The following ADGRB2 variants were observed in gnomAD, a reference collection of about 807,000 sequenced individuals.
The protein encoded by ADGRB2 is adhesion G protein-coupled receptor B2, also known as brain-specific angiogenesis inhibitor 2.
In ADGRB2, 47 loss-of-function variants were observed where a neutral mutation model predicts 178.7. The ratio of observed to expected loss-of-function variants is 0.26; its 90% CI spans 0.21 to 0.34. The LOEUF (loss-of-function observed/expected upper bound fraction) is 0.34, where lower values mean the gene tolerates loss of function less well. Among genes scored for constraint, ADGRB2 ranks in the 10% least tolerant of loss-of-function variants. ADGRB2 has a pLI of 1.00. For synonymous variants in ADGRB2, 870 were observed against 912.4 expected (o/e 0.95, Z 0.84); for missense variants, 1,584 against 2,180.8 (o/e 0.73, Z 5.45).
rs866284155 is a variant in ADGRB2, at chr1:31,739,381, G to A, written c.2422C>T (p.Pro808Ser). 2 of 1,532,468 alleles carry A rather than the reference G, an allele frequency of 1.3e-6. No individual in the cohort carries two copies. The highest frequency in any genetic ancestry group is 1.3e-5 in the South Asian group (1 of 79,716). The allele number at this position is 1,532,468 out of a possible 1,614,324, so 94.9% of individuals were successfully genotyped here. A position where few individuals can be genotyped will look rare whatever the true frequency, so the allele number is the denominator to read the frequency against. The change falls in exon 15 of 33, where the codon CCT becomes TCT. Residue 808 changes from proline (P) to serine (S), a missense_variant. Transcript: ENST00000373658. ...ATCACAAAGTAGGAGGACTCATCAG[G>A]GTCTGCTGGGAGGAGGCGCTGGTGG... ...HSHQRLLPADPDESSYFVIGA... is the reference protein window; with the variant it reads ...HSHQRLLPADSDESSYFVIGA...
intron 27 of ADGRB2, 112 bp from the exon 28 acceptor site, chr1:31,732,266 T>TGCCCATG: frequency 6.9e-7 from 1 of 1,456,600 alleles, no homozygotes; most frequent in Non-Finnish European, 9.5e-7. Flanking sequence ...GCCTTAGGGC[T>TGCCCATG]GCCCATGGCC....
Position 31,735,273 on chromosome 1 carries a change from C to T in ADGRB2, c.3362G>A (p.Arg1121Gln), listed in dbSNP as rs573743533. The T allele has an allele frequency of 1.2e-4, 176 of 1,475,432 alleles. No homozygotes were observed. Among genetic ancestry groups the T allele is most frequent in the Non-Finnish European group, 1.5e-4 (169 of 1,105,190 alleles). The allele number at this position is 1,475,432 out of a possible 1,614,324, so 91.4% of individuals were successfully genotyped here. A position where few individuals can be genotyped will look rare whatever the true frequency, so the allele number is the denominator to read the frequency against. The change falls in exon 25 of 33, where the codon CGG (arginine) becomes CAG (glutamine). Residue 1121 changes from arginine (R) to glutamine (Q), a missense_variant. Arg to Gln is a conservative substitution (Grantham distance 43). Around this residue, in one of 3 missense-constraint regions of ADGRB2, gnomAD observed 865 missense variants for 1,192.8 expected, o/e 0.73. Transcript: ENST00000373658. The surrounding 1 kb of genome is among the most constrained non-coding windows in gnomAD (Gnocchi z 6.0). The part of the protein sequence containing the change: ...KSKKQRAGSE[R>Q]CPWASLLLPC... ...GAGGAGCAGGCTGGCCCAGGGGCAC[C>T]GCTCCGACCTCGGGGGCGGCACAGA...
In ADGRB2 at chr1:31,739,947, G is replaced by T; in HGVS notation, c.2146C>A (p.Leu716Met). The change falls in exon 14 of 33, where the codon CTG (leucine) becomes ATG (methionine). Residue 716 changes from leucine (L) to methionine (M), a missense_variant. Around this residue, in one of 3 missense-constraint regions of ADGRB2, gnomAD observed 865 missense variants for 1,192.8 expected, o/e 0.73. Coordinates refer to ENST00000373658, the MANE Select transcript of ADGRB2 (RefSeq NM_001364857.2). ...GDALKAFQSS[L>M]IVTDNLVISI... ...CTACCTAGATTATCTGTGACAATCA[G>T]AGAGCTCTGGAAGGCCTTGAGAGCA... 6.2e-7 allele frequency: 1 copy of T among 1,614,110 alleles called. No individual in the cohort carries two copies. Among genetic ancestry groups the T allele is most frequent in the South Asian group, 1.1e-5 (1 of 91,070 alleles).
At position 31,756,426 on chromosome 1, in the gene ADGRB2, C is replaced by G. The variant is rs148277401; in HGVS notation, c.411G>C (p.Ala137=). 1 of 1,612,168 alleles carries G rather than the reference C, an allele frequency of 6.2e-7. No individual in the cohort carries two copies. Among genetic ancestry groups the G allele is most frequent in the Non-Finnish European group, 8.5e-7 (1 of 1,179,500 alleles). ...CTGAGCCGCTGCACAGCTCCAACCCCGCTGCCGCCTCTGCCTCCTCCTCTT... is the reference window on the plus strand; with the variant it reads ...CTGAGCCGCTGCACAGCTCCAACCCGGCTGCCGCCTCTGCCTCCTCCTCTT... ...RPEEEEAEAA[A]GLELCSGSGP... is the part of the protein sequence containing the mutation. Residue 137 remains alanine (A), a synonymous_variant, in exon 4 of 33, where the codon GCG becomes GCC. Coordinates refer to ENST00000373658, the MANE Select transcript of ADGRB2 (RefSeq NM_001364857.2). The surrounding 1 kb of genome is among the most constrained non-coding windows in gnomAD (Gnocchi z 8.5).
At position 31,735,062 on chromosome 1, in the gene ADGRB2, A is replaced by G. The variant is rs1249490156; in HGVS notation, c.3452+121T>C. 2 of 1,012,846 alleles carry G rather than the reference A, an allele frequency of 2.0e-6. No individual in the cohort carries two copies. Among genetic ancestry groups the G allele is most frequent in the Non-Finnish European group, 2.7e-6 (2 of 746,458 alleles). 62.7% of individuals were successfully genotyped at this position (1,012,846 alleles called of 1,614,324 possible). ...TTGAGAGTGTGTGGTGGCTGGCAGG[A>G]AAGGGCAAGCTTTCCAGGGCACTGG... is the stretch of plus-strand genomic sequence containing the variant. On this transcript the variant is annotated intron_variant, in intron 25 of 32. Coordinates refer to ENST00000373658, the MANE Select transcript of ADGRB2 (RefSeq NM_001364857.2). The surrounding 1 kb of genome is among the most constrained non-coding windows in gnomAD (Gnocchi z 6.0).
At position 31,741,828 on chromosome 1, in the gene ADGRB2, C is replaced by A; in HGVS notation, c.1557G>T (p.Val519=). The A allele has an allele frequency of 6.3e-7, 1 of 1,599,168 alleles. No individual in the cohort carries two copies. Among genetic ancestry groups the A allele is most frequent in the Non-Finnish European group, 8.5e-7 (1 of 1,170,366 alleles). Residue 519 remains valine (V), a synonymous_variant, in exon 9 of 33, where the codon GTG becomes GTT. Coordinates refer to ENST00000373658, the MANE Select transcript of ADGRB2 (RefSeq NM_001364857.2). This position sits in a 1 kb window ranked among gnomAD's most constrained non-coding sequence, Gnocchi z 6.5. The part of the protein sequence containing the change: ...GYPCEGTGEE[V]KPCSEKRCPA... ...GACACCTCTTCTCACTACAAGGCTT[C>A]ACCTCCTCTCCGGTGCCCTCGCAGG...
At chr1:31,760,508 G>C (rs1400800439) in intron 1 of ADGRB2, among the ~76,000 whole-genome samples, 1 of 152,164 alleles carries the variant, frequency 6.6e-6, no homozygotes, top group Non-Finnish European at 1.5e-5. Context: ...TGGGGTAAGG[G>C]GCAGAGCAGC....
chr1:31,748,377 C>T (rs1189845184), intron 4 of ADGRB2, among the ~76,000 whole-genome samples: 1 of 152,254 alleles, frequency 6.6e-6, no homozygotes, highest in Non-Finnish European at 1.5e-5. Flanking sequence ...ACCCATCCCA[C>T]TCAGAGGAGA....
chr1:31,731,032 CG>C lies in ADGRB2; in HGVS notation c.4147del (p.Arg1383GlyfsTer39). ...GTGGGCCACTGTCTTGGCAGCTCGC[CG>C]GGGGGTCCCCTCCGGCCGGGCCCTG... Reference protein sequence around the residue: ...APRARPEGTPRRAAKTVAHTE... With the variant: ...APRARPEGTPXRAAKTVAHTE... On this transcript the variant is annotated frameshift_variant, in exon 29 of 33. Transcript: ENST00000373658. LOFTEE classifies it high-confidence loss of function. The C allele has an allele frequency of 6.3e-6, 10 of 1,585,806 alleles. No individual in the cohort carries two copies. Among genetic ancestry groups the C allele is most frequent in the Middle Eastern group, 1.7e-4 (1 of 5,932 alleles).
Position 31,732,567 on chromosome 1 carries a change from C to T in ADGRB2, c.3670G>A (p.Glu1224Lys). 6.2e-7 allele frequency: 1 copy of T among 1,614,184 alleles called. No individual in the cohort carries two copies. The highest frequency in any genetic ancestry group is 8.5e-7 in the Non-Finnish European group (1 of 1,180,034). ...KCQMGVCRADESEDSPDSCKN... is the reference protein window; with the variant it reads ...KCQMGVCRADKSEDSPDSCKN... ...CACGAGTCAGGGGAGTCTTCGCTCT[C>T]ATCAGCCCGGCACACCCCCATCTGG... Residue 1224 changes from glutamate (E) to lysine (K), a missense_variant, in exon 27 of 33, where the codon GAG (glutamate) becomes AAG (lysine). Glu to Lys is a moderately conservative substitution (Grantham distance 56). Coordinates refer to ENST00000373658, the MANE Select transcript of ADGRB2 (RefSeq NM_001364857.2).
Position 31,750,614 on chromosome 1 carries a change from G to A in ADGRB2, c.838+5385C>T, listed in dbSNP as rs189042506. On this transcript the variant is annotated intron_variant, in intron 4 of 32. Coordinates refer to ENST00000373658, the MANE Select transcript of ADGRB2 (RefSeq NM_001364857.2). ...GAGCGCTGTGATTTACAAAGCAATC[G>A]TCCCTTCCCTGGGCTCCCTGCTTCC... Among the ~76,000 whole-genome samples, 30 of 152,148 alleles carry A rather than the reference G, an allele frequency of 2.0e-4. No homozygotes were observed. In the East Asian group the frequency reaches 3.3e-3, roughly 17 times the overall value.
rs753379758 is a variant in ADGRB2, at chr1:31,732,129, A to T, written c.3746T>A (p.Leu1249Gln). ...ILSDFEKDVD[L>Q]ACQTVLFKEV... ...GGCACACTCACCTGTTTGACAAGCCAGATCCACATCCTTTTCAAAGTCTGA... is the reference window on the plus strand; with the variant it reads ...GGCACACTCACCTGTTTGACAAGCCTGATCCACATCCTTTTCAAAGTCTGA... Residue 1249 changes from leucine (L) to glutamine (Q), a missense_variant, in exon 28 of 33, where the codon CTG (leucine) becomes CAG (glutamine). This residue lies in a region of ADGRB2 where 865 missense variants were observed against 1,192.8 expected (regional missense o/e 0.73). Transcript: ENST00000373658. The T allele has an allele frequency of 3.1e-6, 5 of 1,614,100 alleles. No homozygotes were observed. The highest frequency in any genetic ancestry group is 4.2e-6 in the Non-Finnish European group (5 of 1,179,978).
chr1:31,735,568 C>CG lies in ADGRB2; in HGVS notation c.3353+11_3353+12insC. 6.2e-7 allele frequency: 1 copy of CG among 1,606,554 alleles called. No homozygotes were observed. The highest frequency in any genetic ancestry group is 8.5e-7 in the Non-Finnish European group (1 of 1,173,902). ...TTCCAGAAAGGCCAAGTCTCAGAGG[C>CG]CCCCCCCTTACCCGGCCCTCTGCTT... is the stretch of plus-strand genomic sequence containing the variant. On this transcript the variant is annotated intron_variant, in intron 24 of 32. Transcript: ENST00000373658. The surrounding 1 kb of genome is among the most constrained non-coding windows in gnomAD (Gnocchi z 6.0).
intron 1 of ADGRB2, among the ~76,000 whole-genome samples, chr1:31,757,835 A>C (rs1030530310): frequency 7.9e-5 from 12 of 152,166 alleles, no homozygotes; most frequent in Admixed American, 2.6e-4. Context: ...TGGGGACCCA[A>C]GCTTGTTGCT....
At position 31,762,137 on chromosome 1, in the gene ADGRB2, C is replaced by A. The variant is rs558195345; in HGVS notation, c.-191+1747G>T. 2.6e-5 allele frequency among the ~76,000 whole-genome samples: 4 copies of A among 152,226 alleles called. No individual in the cohort carries two copies. The South Asian group carries it at 8.3e-4, about 32-fold the overall frequency. ...TTGTGTTACAGAAATGCAGACCACG[C>A]ACGCACACCCCAGACTAGACATGTC... On this transcript the variant is annotated intron_variant, in intron 1 of 32. Transcript: ENST00000373658.
At position 31,741,348 on chromosome 1, in the gene ADGRB2, C is replaced by A. The variant is rs950430380; in HGVS notation, c.1794+25G>T. ...AGAGTCTGAGACAGATTCTGCTGTG[C>A]CCCAGCCCAGCAGGGTGCACTCACT... On this transcript the variant is annotated intron_variant, in intron 11 of 32. Coordinates refer to ENST00000373658, the MANE Select transcript of ADGRB2 (RefSeq NM_001364857.2). This position sits in a 1 kb window ranked among gnomAD's most constrained non-coding sequence, Gnocchi z 6.5. 1.9e-6 allele frequency: 3 copies of A among 1,574,478 alleles called. No individual in the cohort carries two copies. The African/African-American group carries it at 4.0e-5, about 21-fold the overall frequency.
Position 31,735,285 on chromosome 1 carries a change from G to C in ADGRB2, c.3354-4C>G, listed in dbSNP as rs779715885. ...GGCCCAGGGGCACCGCTCCGACCTC[G>C]GGGGCGGCACAGACATGGGAGAAGG... On this transcript the variant is annotated splice_region_variant and splice_polypyrimidine_tract_variant and intron_variant, in intron 24 of 32. Coordinates refer to ENST00000373658, the MANE Select transcript of ADGRB2 (RefSeq NM_001364857.2). This position sits in a 1 kb window ranked among gnomAD's most constrained non-coding sequence, Gnocchi z 6.0. 9 of 1,477,026 alleles carry C rather than the reference G, an allele frequency of 6.1e-6. No individual in the cohort carries two copies. The highest frequency in any genetic ancestry group is 8.1e-6 in the Non-Finnish European group (9 of 1,106,114). 91.5% of individuals were successfully genotyped at this position (1,477,026 alleles called of 1,614,324 possible).
chr1:31,739,545 C>T lies in ADGRB2; in HGVS notation c.2258G>A (p.Arg753Gln). Reference protein sequence around the residue: ...RGRRGMKDWVRHSEDRLFLPK... With the variant: ...RGRRGMKDWVQHSEDRLFLPK... ...CAGGAAGAGGCGGTCCTCTGAGTGC[C>T]GCACCCAGTCCTTCATGCCCCGGCG... is the stretch of plus-strand genomic sequence containing the variant. The change falls in exon 15 of 33, where the codon CGG becomes CAG. Residue 753 changes from arginine to glutamine, a missense_variant. Physicochemically the swap from Arg to Gln is conservative, Grantham distance 43. Coordinates refer to ENST00000373658, the MANE Select transcript of ADGRB2 (RefSeq NM_001364857.2). 3 of 1,613,012 alleles carry T rather than the reference C, an allele frequency of 1.9e-6. No homozygotes were observed. Among genetic ancestry groups the T allele is most frequent in the Middle Eastern group, 1.7e-4 (1 of 6,060 alleles).
At position 31,744,615 on chromosome 1, in the gene ADGRB2, C is replaced by T. The variant is rs201510969; in HGVS notation, c.922+33G>A. Reference sequence around the variant, plus strand: ...CACCAGACGCACACAGTCGGGCCCCCGCCGCAGAGGAAGGGAGGCGGGCCC... The same window carrying T: ...CACCAGACGCACACAGTCGGGCCCCTGCCGCAGAGGAAGGGAGGCGGGCCC... On this transcript the variant is annotated intron_variant, in intron 5 of 32. Transcript: ENST00000373658. This position sits in a 1 kb window ranked among gnomAD's most constrained non-coding sequence, Gnocchi z 6.7. The T allele has an allele frequency of 9.1e-3, 14,712 of 1,610,440 alleles. 78 individuals are homozygous for T. The highest frequency in any genetic ancestry group is 0.011 in the Non-Finnish European group (12,672 of 1,177,770).
Sources: gnomAD v4.1 joint callset for allele counts (sites outside exome capture counted in the v4.1 genomes callset) on GRCh38, gnomAD v4.1.1 for gene constraint, gnomAD v4.1.1 regional missense constraint, Gnocchi (gnomAD v3.1) non-coding constraint, MANE v1.5 for transcripts, NCBI Gene and HGNC (gene_info 2026-07-23, HGNC 2026-07-21) for gene names.